Variants in MAMDC4 observed in about 807,000 individuals in gnomAD.
The protein encoded by MAMDC4 is MAM domain containing 4.
A neutral mutation model predicts 153.3 loss-of-function variants in MAMDC4; 168 were observed. That is an observed-to-expected ratio of 1.10 (90% confidence interval 0.97 to 1.25). The LOEUF is 1.25. Among genes scored for constraint, MAMDC4 ranks in the 50% most tolerant of loss-of-function variants. MAMDC4 has a pLI of 0.00. For synonymous variants in MAMDC4, 744 were observed against 651.5 expected (o/e 1.14, Z -2.16); for missense variants, 1,701 against 1,542.8 (o/e 1.10, Z -1.72).
Position 136,857,388 on chromosome 9 carries a change from G to GACGGATACC in MAMDC4, c.2133_2141dup (p.Tyr712_Gly714dup). ...CCAGCTGCTGTTCGAGGGCCTCCGGGACGGATACCACGGCACCATGGCGCT... is the reference window on the plus strand; with the variant it reads ...CCAGCTGCTGTTCGAGGGCCTCCGGGACGGATACCACGGATACCACGGCACCATGGCGCT... On this transcript the variant is annotated inframe_insertion, in exon 18 of 27. Transcript: ENST00000317446. 1 of 1,608,156 alleles carries GACGGATACC rather than the reference G, an allele frequency of 6.2e-7. No homozygotes were observed. The highest frequency in any genetic ancestry group is 8.5e-7 in the Non-Finnish European group (1 of 1,179,878).
intron 26 of MAMDC4, 38 bp from the exon 27 acceptor site, chr9:136,860,524 G>T: frequency 1.3e-6 from 2 of 1,593,876 alleles, no homozygotes; most frequent in Non-Finnish European, 1.7e-6. Flanking sequence ...TCCGTCTCAG[G>T]AAAGAAAGAA....
rs759696161 is a variant in MAMDC4 at position 136,860,080 on chromosome 9, G to A, written c.3372+16G>A. The A allele has an allele frequency of 3.2e-6, 5 of 1,540,514 alleles. No individual in the cohort carries two copies. Among genetic ancestry groups the A allele is most frequent in the Non-Finnish European group, 4.4e-6 (5 of 1,141,976 alleles). On this transcript the variant is annotated intron_variant, in intron 26 of 26. Coordinates refer to ENST00000317446, the MANE Select transcript of MAMDC4 (RefSeq NM_206920.3). The stretch of plus-strand genomic sequence containing the variant: ...TTTCAATGCGGTAGGAGCCCCTGGG[G>A]ATGGGTGGGCAGGAGCCTCTGTGCT...
rs371095605 is a variant in MAMDC4 at position 136,857,483 on chromosome 9, C to T, written c.2223C>T (p.Cys741=). The T allele has an allele frequency of 3.7e-6, 6 of 1,609,302 alleles. No homozygotes were observed. In the African/African-American group the frequency reaches 4.0e-5, roughly 11 times the overall value. Residue 741 remains cysteine (C), a synonymous_variant, in exon 18 of 27, where the codon TGC becomes TGT. Coordinates refer to ENST00000317446, the MANE Select transcript of MAMDC4 (RefSeq NM_206920.3). ...PNYCSFEDSD[C]GFSPGGQGLW... ...ACTGCTCCTTTGAGGACTCAGACTGCGGCTTCTCCCCTGGAGGCCAAGGTC... is the reference window on the plus strand; with the variant it reads ...ACTGCTCCTTTGAGGACTCAGACTGTGGCTTCTCCCCTGGAGGCCAAGGTC...
rs1192963764 is a variant in MAMDC4 at position 136,853,095 on chromosome 9, C to T, written c.47-7C>T. On this transcript the variant is annotated splice_polypyrimidine_tract_variant and splice_region_variant and intron_variant, in intron 1 of 26. Transcript: ENST00000317446. ...CCCAGGCCACCTGGCTGTCAACCTC[C>T]CAGCAGCAGGGTCCTCAGGCTGGGC... The T allele has an allele frequency of 1.2e-6, 2 of 1,611,526 alleles. No individual in the cohort carries two copies. Among genetic ancestry groups the T allele is most frequent in the Non-Finnish European group, 1.7e-6 (2 of 1,179,384 alleles).
rs1454454325 is a variant in MAMDC4 at position 136,852,432 on chromosome 9, C to T, written c.16C>T (p.His6Tyr). MPLSSHLLPALVLFLA... is the reference protein window; with the variant it reads MPLSSYLLPALVLFLA... ...TGGCCCAACCATGCCTCTGTCCAGC[C>T]ACCTGCTGCCCGCCTTGGTCCTGTT... The change falls in exon 1 of 27, where the codon CAC becomes TAC. Residue 6 changes from histidine (H) to tyrosine (Y), a missense_variant. His to Tyr is a moderately conservative substitution (Grantham distance 83). Transcript: ENST00000317446. 6.2e-7 allele frequency: 1 copy of T among 1,610,324 alleles called. No homozygotes were observed. The highest frequency in any genetic ancestry group is 8.5e-7 in the Non-Finnish European group (1 of 1,179,972).
At chr9:136,859,434 C>G in intron 25 of MAMDC4, 117 bp downstream of exon 25, 1 of 941,752 alleles carries the variant, frequency 1.1e-6, no homozygotes, top group Non-Finnish European at 1.6e-6. Flanking sequence ...TGCACCCAGA[C>G]AGGACAAGAG....
In MAMDC4 at chr9:136,853,470, G is replaced by T. The variant is rs940424623; in HGVS notation, c.328+12G>T. The T allele has an allele frequency of 4.4e-6, 7 of 1,607,468 alleles. No individual in the cohort carries two copies. Among genetic ancestry groups the T allele is most frequent in the Non-Finnish European group, 6.0e-6 (7 of 1,176,306 alleles). On this transcript the variant is annotated intron_variant, in intron 3 of 26. Transcript: ENST00000317446. ...GGGCACCGACTTGGGTGAGGCCAGG[G>T]CAAGTCTCTGTGCGCCCCTGTCCCA... is the stretch of plus-strand genomic sequence containing the variant.
chr9:136,853,374 G>A lies in MAMDC4; in HGVS notation c.244G>A (p.Gly82Ser). The change falls in exon 3 of 27, where the codon GGC becomes AGC. Residue 82 changes from glycine to serine, a missense_variant. Coordinates refer to ENST00000317446, the MANE Select transcript of MAMDC4 (RefSeq NM_206920.3). ...PCGWRDISTS[G>S]YSWLRDRAGA... Reference sequence around the variant, plus strand: ...CGGCTGGCGGGACATTAGTACCTCAGGCTACAGCTGGCTCCGAGACAGGGC... The same window carrying A: ...CGGCTGGCGGGACATTAGTACCTCAAGCTACAGCTGGCTCCGAGACAGGGC... 6.2e-7 allele frequency: 1 copy of A among 1,606,672 alleles called. No homozygotes were observed. Among genetic ancestry groups the A allele is most frequent in the South Asian group, 1.1e-5 (1 of 90,792 alleles).
chr9:136,858,978 C>T (rs1849047959), intron 23 of MAMDC4, 27 bp from the exon 24 acceptor site: 1 of 1,503,950 alleles, frequency 6.6e-7, no homozygotes, highest in South Asian at 1.3e-5. Flanking sequence ...GGACCCCAGG[C>T]CTGACACGCC....
At position 136,853,612 on chromosome 9, in the gene MAMDC4, C is replaced by T. The variant is rs747552597; in HGVS notation, c.396C>T (p.Thr132=). Residue 132 remains threonine (T), a synonymous_variant, in exon 4 of 27, where the codon ACC becomes ACT. Transcript: ENST00000317446. ...CCACCGCAGCCCTGCGCTCGCCAAC[C>T]CTGCGAGAGGCAGCCTCCTCTTGCA... ...EASTAALRSP[T]LREAASSCKL... 6.2e-7 allele frequency: 1 copy of T among 1,612,520 alleles called. No homozygotes were observed. Among genetic ancestry groups the T allele is most frequent in the Admixed American group, 1.7e-5 (1 of 60,018 alleles).
intron 1 of MAMDC4, among the ~76,000 whole-genome samples, chr9:136,852,835 C>T (rs543840145): frequency 6.6e-6 from 1 of 152,306 alleles, no homozygotes; most frequent in South Asian, 2.1e-4. Context: ...CTGCTGGGCA[C>T]TCTGGGTTCC....
chr9:136,857,053 T>C lies in MAMDC4; in HGVS notation c.1972+12T>C, dbSNP rs1448170382. On this transcript the variant is annotated intron_variant, in intron 16 of 26. Transcript: ENST00000317446. ...TGGGCCCCAGATTGGTGAGTGGACC[T>C]GGAAACAGGGCAGAGCCTGTGGGGA... 8.7e-6 allele frequency: 14 copies of C among 1,608,916 alleles called. 1 individual carries two copies. The highest frequency in any genetic ancestry group is 1.3e-5 in the African/African-American group (1 of 74,848).
intron 22 of MAMDC4, 24 bp from the exon 23 acceptor site, chr9:136,858,695 G>A (rs758778377): frequency 1.9e-6 from 3 of 1,611,574 alleles, no homozygotes; most frequent in Non-Finnish European, 2.5e-6. Flanking sequence ...CATCAGCTGG[G>A]CATCAGCCTC....
chr9:136,852,474 G>C lies in MAMDC4; in HGVS notation c.46+12G>C, dbSNP rs200811531. ...GGTCCTGTTCCTGGGTAAGTAGTCT[G>C]GTCCCACTCCTGAGGCAGGACCAGG... On this transcript the variant is annotated intron_variant, in intron 1 of 26. Transcript: ENST00000317446. 31 of 1,609,142 alleles carry C rather than the reference G, an allele frequency of 1.9e-5. No homozygotes were observed. The Admixed American group carries it at 4.2e-4, about 22-fold the overall frequency.
chr9:136,852,475 G>C lies in MAMDC4; in HGVS notation c.46+13G>C. Reference sequence around the variant, plus strand: ...GTCCTGTTCCTGGGTAAGTAGTCTGGTCCCACTCCTGAGGCAGGACCAGGG... The same window carrying C: ...GTCCTGTTCCTGGGTAAGTAGTCTGCTCCCACTCCTGAGGCAGGACCAGGG... On this transcript the variant is annotated intron_variant, in intron 1 of 26. Transcript: ENST00000317446. The C allele has an allele frequency of 6.2e-7, 1 of 1,609,036 alleles. No individual in the cohort carries two copies. Among genetic ancestry groups the C allele is most frequent in the Non-Finnish European group, 8.5e-7 (1 of 1,179,922 alleles).
At chr9:136,859,831 T>A in intron 25 of MAMDC4, 55 bp from the exon 26 acceptor site, 1 of 1,586,364 alleles carries the variant, frequency 6.3e-7, no homozygotes. Flanking sequence ...GCTTCCTCCT[T>A]AGCCCCAGAT....
chr9:136,857,129 A>G (rs1218043104), intron 16 of MAMDC4, 36 bp from the exon 17 acceptor site: 17 of 1,608,918 alleles, frequency 1.1e-5, no homozygotes, highest in Non-Finnish European at 1.4e-5. Context: ...AAGGCACAGG[A>G]GAGAGGTCAG....
intron 1 of MAMDC4, among the ~76,000 whole-genome samples, chr9:136,852,837 C>A (rs1848945275): frequency 6.6e-6 from 1 of 152,170 alleles, no homozygotes; most frequent in Non-Finnish European, 1.5e-5. Context: ...GCTGGGCACT[C>A]TGGGTTCCTG....
intron 22 of MAMDC4, 63 bp downstream of exon 22, chr9:136,858,609 CCACA>C (rs1849042697): frequency 1.3e-6 from 2 of 1,580,088 alleles, no homozygotes; most frequent in South Asian, 2.3e-5. Context: ...TGCTGCCCAC[CCACA>C]GAGTACATGC....
Sources: allele counts gnomAD v4.1 joint callset (sites outside exome capture counted in the v4.1 genomes callset), GRCh38; gene constraint gnomAD v4.1.1; transcripts MANE v1.5; gene names NCBI Gene and HGNC (gene_info 2026-07-23, HGNC 2026-07-21).